Variants in PCOLCE2 observed in about 807,000 individuals in gnomAD.
PCOLCE2 encodes the protein procollagen C-proteinase enhancer 2.
PCOLCE2 carries 42 observed loss-of-function variants against 47.0 expected under a neutral mutation model. The ratio of observed to expected loss-of-function variants is 0.89; its 90% confidence interval spans 0.70 to 1.16. The LOEUF (loss-of-function observed/expected upper bound fraction) is 1.16, where lower values mean the gene tolerates loss of function less well. Among genes scored for constraint, PCOLCE2 ranks in the 50% most tolerant of loss-of-function variants. The pLI, the probability that PCOLCE2 is intolerant of heterozygous loss-of-function variation, is 0.00. For missense variants in PCOLCE2, 500 were observed against 526.1 expected (o/e 0.95, Z 0.49); for synonymous variants, 169 against 191.7 (o/e 0.88, Z 0.98).
intron 2 of PCOLCE2, among the ~76,000 whole-genome samples, chr3:142,858,546 C>T (rs1003672002): frequency 6.6e-5 from 10 of 152,182 alleles, no homozygotes; most frequent in Non-Finnish European, 1.3e-4. Context: ...GTATATCAAA[C>T]TAGGATAAAA....
intron 2 of PCOLCE2, among the ~76,000 whole-genome samples, chr3:142,856,899 T>G (rs1436595815): frequency 2.6e-5 from 4 of 152,112 alleles, no homozygotes; most frequent in Non-Finnish European, 5.9e-5. Context: ...GAGCTTTTTT[T>G]TTTTTTTTTA....
chr3:142,848,527 T>C (rs1036738482), intron 2 of PCOLCE2, 55 bp from the exon 3 acceptor site: 21 of 1,436,752 alleles, frequency 1.5e-5, no homozygotes, highest in Non-Finnish European at 1.9e-5. Context: ...TCTGAGGCTT[T>C]GACATCTAGT....
chr3:142,843,953 A>T (rs1448448144), intron 3 of PCOLCE2, among the ~76,000 whole-genome samples: 1 of 152,182 alleles, frequency 6.6e-6, no homozygotes, highest in Non-Finnish European at 1.5e-5. Context: ...ATACAAAGTA[A>T]GTAGAATAAT....
chr3:142,860,355 CATGA>C (rs1157054117), intron 2 of PCOLCE2, among the ~76,000 whole-genome samples: 3 of 152,160 alleles, frequency 2.0e-5, no homozygotes, highest in African/African-American at 7.2e-5. Context: ...ACTACAGCCA[CATGA>C]ATATTAAATT....
chr3:142,888,365 CT>C (rs1933752865), intron 1 of PCOLCE2, among the ~76,000 whole-genome samples: 1 of 152,200 alleles, frequency 6.6e-6, no homozygotes. Context: ...GAAGAGTTAA[CT>C]TTCCGGAGCG....
intron 2 of PCOLCE2, among the ~76,000 whole-genome samples, chr3:142,851,514 TGGAAATCA>T: frequency 6.6e-6 from 1 of 151,970 alleles, no homozygotes; most frequent in Non-Finnish European, 1.5e-5. Flanking sequence ...TGGGTTAGGA[TGGAAATCA>T]GGACGCTGTG....
At chr3:142,885,261 C>T (rs1457862063) in intron 2 of PCOLCE2, among the ~76,000 whole-genome samples, 1 of 152,148 alleles carries the variant, frequency 6.6e-6, no homozygotes, top group Non-Finnish European at 1.5e-5. Flanking sequence ...CCAGTTTGGA[C>T]GAACAGAATG....
At chr3:142,832,270 C>T (rs879652029) in intron 5 of PCOLCE2, among the ~76,000 whole-genome samples, 4 of 152,142 alleles carry the variant, frequency 2.6e-5, no homozygotes, top group Non-Finnish European at 5.9e-5. Context: ...AACTAGGCTC[C>T]CTGCTCACCT....
In PCOLCE2 at chr3:142,843,007, A is replaced by G; in HGVS notation, c.490T>C (p.Ser164Pro). The change falls in exon 4 of 9, where the codon TCT becomes CCT. Residue 164 changes from serine to proline, a missense_variant. Ser to Pro is a moderately conservative substitution (Grantham distance 74, BLOSUM62 -1). Coordinates refer to ENST00000295992, the MANE Select transcript of PCOLCE2 (RefSeq NM_013363.4). The stretch of plus-strand genomic sequence containing the variant: ...TCTGGCCAGTTGGGGGTTTTAAAAG[A>G]GCCGGAAGGTCTGTCAAGGAGTCCT... ...CGGLLDRPSG[S>P]FKTPNWPDRD... is the part of the protein sequence containing the mutation. 1 of 1,613,920 alleles carries G rather than the reference A, an allele frequency of 6.2e-7. No individual in the cohort carries two copies. The highest frequency in any genetic ancestry group is 1.3e-5 in the African/African-American group (1 of 75,026).
intron 2 of PCOLCE2, among the ~76,000 whole-genome samples, chr3:142,857,276 G>T (rs1933081628): frequency 6.6e-6 from 1 of 152,230 alleles, no homozygotes; most frequent in African/African-American, 2.4e-5. Context: ...TGAAGCCCAA[G>T]CTGTTTCATG....
At position 142,855,353 on chromosome 3, in the gene PCOLCE2, C is replaced by T. The variant is rs147436167; in HGVS notation, c.193-6881G>A. ...TCCTTATAATCTTAAAATAATAGTG[C>T]AGGCCATGACTCCTATTACTAGCAC... On this transcript the variant is annotated intron_variant, in intron 2 of 8. Coordinates refer to ENST00000295992, the MANE Select transcript of PCOLCE2 (RefSeq NM_013363.4). Among the ~76,000 whole-genome samples the T allele has an allele frequency of 6.1e-3, 886 of 145,778 alleles. 13 individuals carry two copies. Among genetic ancestry groups the T allele is most frequent in the Admixed American group, 0.045 (663 of 14,624 alleles).
chr3:142,863,180 A>C (rs1182918314), intron 2 of PCOLCE2, among the ~76,000 whole-genome samples: 1 of 151,932 alleles, frequency 6.6e-6, no homozygotes, highest in Admixed American at 6.6e-5. Flanking sequence ...GGTTCACTTA[A>C]TGTGGCAGAG....
intron 2 of PCOLCE2, among the ~76,000 whole-genome samples, chr3:142,857,998 C>T (rs1933099766): frequency 6.6e-6 from 1 of 152,150 alleles, no homozygotes; most frequent in South Asian, 2.1e-4. Flanking sequence ...ATGTAAATTC[C>T]CTGCCTGGAA....
chr3:142,852,495 T>C (rs1356661441), intron 2 of PCOLCE2, among the ~76,000 whole-genome samples: 2 of 152,056 alleles, frequency 1.3e-5, no homozygotes, highest in Non-Finnish European at 2.9e-5. Flanking sequence ...ATTTTGTTAA[T>C]AGATTTTTAA....
Position 142,829,781 on chromosome 3 carries a change from T to C in PCOLCE2, c.776A>G (p.Asp259Gly). 13 of 1,607,960 alleles carry C rather than the reference T, an allele frequency of 8.1e-6. No homozygotes were observed. The highest frequency in any genetic ancestry group is 1.1e-5 in the Non-Finnish European group (13 of 1,175,146). ...QFLSDLSLTA[D>G]GFIGHYIFRP... Reference sequence around the variant, plus strand: ...GAATATGTAGTGACCAATAAACCCATCTGCAGTTAAACTTAAGTCTGATAA... The same window carrying C: ...GAATATGTAGTGACCAATAAACCCACCTGCAGTTAAACTTAAGTCTGATAA... The change falls in exon 6 of 9, where the codon GAT (aspartate) becomes GGT (glycine). Residue 259 changes from aspartate (D) to glycine (G), a missense_variant. Transcript: ENST00000295992.
At chr3:142,835,639 T>C (rs1052176863) in intron 5 of PCOLCE2, among the ~76,000 whole-genome samples, 1 of 152,152 alleles carries the variant, frequency 6.6e-6, no homozygotes, top group Non-Finnish European at 1.5e-5. Flanking sequence ...CCATCTTATC[T>C]TGTACTTTTT....
chr3:142,860,403 T>C (rs72994565), intron 2 of PCOLCE2, among the ~76,000 whole-genome samples: 4,422 of 152,146 alleles, frequency 0.029, 218 homozygotes, highest in African/African-American at 0.1. Flanking sequence ...TTTTCATTTT[T>C]CCTAAAGCTA....
chr3:142,867,287 C>T (rs778176393), intron 2 of PCOLCE2, among the ~76,000 whole-genome samples: 2 of 152,042 alleles, frequency 1.3e-5, no homozygotes, highest in African/African-American at 2.4e-5. Context: ...TTTCTTGGTG[C>T]GAGATAAAGG....
intron 2 of PCOLCE2, among the ~76,000 whole-genome samples, chr3:142,868,259 T>C (rs574984455): frequency 2.0e-5 from 3 of 152,146 alleles, no homozygotes; most frequent in Non-Finnish European, 2.9e-5. Context: ...CACTTAATAG[T>C]AATATACACA....
Sources: gnomAD v4.1 joint callset for allele counts (sites outside exome capture counted in the v4.1 genomes callset) on GRCh38, gnomAD v4.1.1 for gene constraint, MANE v1.5 for transcripts, NCBI Gene and HGNC (gene_info 2026-07-23, HGNC 2026-07-21) for gene names.